Variants in DMD observed in about 807,000 individuals in gnomAD.
The protein encoded by DMD is dystrophin.
Under a neutral mutation model 330.1 loss-of-function variants are expected in DMD, and 63 were observed. The observed-to-expected ratio is 0.19, with a 90% CI of 0.16 to 0.24. The LOEUF (loss-of-function observed/expected upper bound fraction) is 0.24, where lower values mean the gene tolerates loss of function less well. Ranked by LOEUF, DMD falls within the 10% of genes least tolerant of loss-of-function variation. DMD has a pLI of 1.00. For synonymous variants in DMD, 1,223 were observed against 959.8 expected (o/e 1.27, Z -5.07); for missense variants, 3,344 against 2,684.1 (o/e 1.25, Z -5.43).
rs1569519844 is a variant in DMD at position 31,293,196 on chromosome X, TCTGGTTTA to T, written c.9224+30394_9224+30401del. Among the ~76,000 whole-genome samples, 55 of 47,349 alleles carry T rather than the reference TCTGGTTTA, an allele frequency of 1.2e-3. 2 individuals are homozygous for T. Among genetic ancestry groups the T allele is most frequent in the African/African-American group, 9.2e-3 (47 of 5,106 alleles). The allele number at this position is 47,349 out of a possible 115,157, so 41.1% of individuals were successfully genotyped here. Reference sequence around the variant, plus strand: ...TGTGTGTGTGTGTGTGTGTGTGTAGTCTGGTTTAGTGTGTGTGTGTGTGTGTGTGTGTG... The same window carrying T: ...TGTGTGTGTGTGTGTGTGTGTGTAGTGTGTGTGTGTGTGTGTGTGTGTGTG... On this transcript the variant is annotated intron_variant, in intron 62 of 78. Coordinates refer to ENST00000357033, the MANE Select transcript of DMD (RefSeq NM_004006.3).
rs551115826 is a variant in DMD, at chrX:31,833,111, T to C, written c.7200+3607A>G. Among the ~76,000 whole-genome samples, 10 of 111,344 alleles carry C rather than the reference T, an allele frequency of 9.0e-5. No individual in the cohort carries two copies. The South Asian group carries it at 3.8e-3, about 42-fold the overall frequency. On this transcript the variant is annotated intron_variant, in intron 49 of 78. Transcript: ENST00000357033. ...ATGGAACACATTAAAGACTATTTCA[T>C]CTATGGCATTAATGTAATATATTAT...
chrX:31,539,692 C>A (rs1047266465), intron 55 of DMD, among the ~76,000 whole-genome samples: 4 of 112,019 alleles, frequency 3.6e-5, no homozygotes, highest in African/African-American at 9.7e-5. Flanking sequence ...AAGAGATCAT[C>A]TGTAATATCG....
In DMD at chrX:32,835,728, G is replaced by C. The variant is rs768381543; in HGVS notation, c.264+9055C>G. 8.1e-5 allele frequency among the ~76,000 whole-genome samples: 9 copies of C among 111,622 alleles called. No individual in the cohort carries two copies. In the South Asian group the frequency reaches 1.9e-3, roughly 23 times the overall value. Reference sequence around the variant, plus strand: ...AGGGTTAAACTGAGGAGCTAGTTTAGAACTACAGAATATGCTAGAACTAGT... The same window carrying C: ...AGGGTTAAACTGAGGAGCTAGTTTACAACTACAGAATATGCTAGAACTAGT... On this transcript the variant is annotated intron_variant, in intron 4 of 78. Coordinates refer to ENST00000357033, the MANE Select transcript of DMD (RefSeq NM_004006.3).
chrX:31,137,258 A>G (rs2035365858), intron 76 of DMD, among the ~76,000 whole-genome samples: 1 of 111,954 alleles, frequency 8.9e-6, no homozygotes, highest in Non-Finnish European at 1.9e-5. Flanking sequence ...TGACCTCGTG[A>G]TCCACCTGCC....
intron 1 of DMD, among the ~76,000 whole-genome samples, chrX:33,054,089 A>T (rs1163357083): frequency 8.9e-6 from 1 of 112,091 alleles, no homozygotes; most frequent in Non-Finnish European, 1.9e-5. Flanking sequence ...GAGACAAGGA[A>T]TCAGGAGGCT....
intron 7 of DMD, among the ~76,000 whole-genome samples, chrX:32,779,215 A>G (rs758802328): frequency 9.1e-6 from 1 of 110,037 alleles, no homozygotes; most frequent in South Asian, 3.9e-4. Context: ...GTTTCAAATG[A>G]AAGTCGTCCT....
chrX:33,191,918 A>T (rs756947290), intron 1 of DMD, among the ~76,000 whole-genome samples: 20 of 112,400 alleles, frequency 1.8e-4, no homozygotes, highest in Non-Finnish European at 3.6e-4. Flanking sequence ...GTTAAGCAAC[A>T]ATCACTAGAG....
chrX:33,295,259 A>T (rs760914370), intron 1 of DMD, among the ~76,000 whole-genome samples: 3 of 111,332 alleles, frequency 2.7e-5, no homozygotes, highest in Non-Finnish European at 5.7e-5. Context: ...TTTTATCTGT[A>T]TGGTGAAAAT....
At chrX:32,113,017 A>C (rs1362211354) in intron 44 of DMD, among the ~76,000 whole-genome samples, 1 of 112,942 alleles carries the variant, frequency 8.9e-6, no homozygotes, top group African/African-American at 3.2e-5. Context: ...AAGTAAATTA[A>C]AGTAACGCAG....
At chrX:31,237,999 C>T (rs890133510) in intron 63 of DMD, among the ~76,000 whole-genome samples, 5 of 112,117 alleles carry the variant, frequency 4.5e-5, no homozygotes, top group Non-Finnish European at 7.5e-5. Context: ...AGATTACAGG[C>T]GTGAACTATT....
chrX:32,873,694 A>T (rs1249237298), intron 2 of DMD, among the ~76,000 whole-genome samples: 4 of 112,327 alleles, frequency 3.6e-5, no homozygotes, highest in Non-Finnish European at 7.5e-5. Context: ...AAATGATAAC[A>T]TTGTAAAAGC....
chrX:32,068,373 C>CTTTTTTTTTTTTTTTTTTTTTTTTTTTT (rs1569539146), intron 44 of DMD, among the ~76,000 whole-genome samples: 1 of 60,510 alleles, frequency 1.7e-5, no homozygotes, highest in African/African-American at 7.6e-5. Flanking sequence ...CCTTGCTTGT[C>CTTTTTTTTTTTTTTTTTTTTTTTTTTTT]ATTTTTTTTT....
intron 67 of DMD, among the ~76,000 whole-genome samples, chrX:31,187,785 G>C (rs371640191): frequency 6.2e-5 from 5 of 80,686 alleles, no homozygotes; most frequent in African/African-American, 2.4e-4. Context: ...GAGAGAGAGA[G>C]AGAACAAGCA....
At chrX:31,809,946 T>C (rs1443373563) in intron 50 of DMD, among the ~76,000 whole-genome samples, 1 of 111,350 alleles carries the variant, frequency 9.0e-6, no homozygotes, top group Non-Finnish European at 1.9e-5. Flanking sequence ...TGGGTCCAGA[T>C]TCTGCCACTA....
chrX:33,271,585 G>A (rs1406593228), intron 1 of DMD, among the ~76,000 whole-genome samples: 1 of 109,517 alleles, frequency 9.1e-6, no homozygotes, highest in African/African-American at 3.3e-5. Flanking sequence ...TGGCCAACAT[G>A]GTGAAACCTC....
chrX:31,960,077 A>G (rs1167040293), intron 45 of DMD, among the ~76,000 whole-genome samples: 1 of 106,587 alleles, frequency 9.4e-6, no homozygotes, highest in East Asian at 2.9e-4. Context: ...TTTTCTAATC[A>G]CCTTTATCAA....
At chrX:32,658,680 T>G (rs1365397516) in intron 9 of DMD, among the ~76,000 whole-genome samples, 1 of 110,767 alleles carries the variant, frequency 9.0e-6, no homozygotes, top group East Asian at 2.8e-4. Flanking sequence ...TTGGGTCACT[T>G]TCCCACTCTA....
intron 29 of DMD, among the ~76,000 whole-genome samples, chrX:32,427,458 A>G (rs1184931093): frequency 9.0e-6 from 1 of 111,361 alleles, no homozygotes; most frequent in Non-Finnish European, 1.9e-5. Flanking sequence ...AGTATTATAA[A>G]GAGTGAATAT....
chrX:31,215,595 C>A (rs905892085), intron 64 of DMD, among the ~76,000 whole-genome samples: 12 of 112,234 alleles, frequency 1.1e-4, no homozygotes, highest in Admixed American at 4.7e-4. Flanking sequence ...AATATTTACC[C>A]AGTCAAATCT....
Sources: allele counts gnomAD v4.1 joint callset (sites outside exome capture counted in the v4.1 genomes callset), GRCh38; gene constraint gnomAD v4.1.1; transcripts MANE v1.5; gene names NCBI Gene and HGNC (gene_info 2026-07-23, HGNC 2026-07-21).